BTBD9: variants seen among roughly 807,000 people sequenced by gnomAD.
BTBD9 encodes the protein BTB/POZ domain-containing protein 9.
Under a neutral mutation model 64.3 loss-of-function variants are expected in BTBD9, and 49 were observed. The observed-to-expected ratio is 0.76, with a 90% CI of 0.61 to 0.97. The LOEUF is 0.97. Among genes scored for constraint, BTBD9 ranks in the 50% least tolerant of loss-of-function variants. The pLI is 0.00. For synonymous variants in BTBD9, 260 were observed against 274.7 expected (o/e 0.95, Z 0.53); for missense variants, 598 against 762.1 (o/e 0.78, Z 2.53).
chr6:38,463,438 T>C (rs1399351006), intron 6 of BTBD9, among the ~76,000 whole-genome samples: 1 of 152,254 alleles, frequency 6.6e-6, no homozygotes, highest in Non-Finnish European at 1.5e-5. Context: ...TGAAAGTGGA[T>C]ATCCCCAACA....
Position 38,510,183 on chromosome 6 carries a change from T to C in BTBD9, c.1154+67417A>G, listed in dbSNP as rs75774879. 1.2e-3 allele frequency among the ~76,000 whole-genome samples: 180 copies of C among 152,288 alleles called. 4 individuals are homozygous for C. In the East Asian group the frequency reaches 0.016, roughly 14 times the overall value. On this transcript the variant is annotated intron_variant, in intron 6 of 10. Transcript: ENST00000481247. ...CAATTTCATCATGGCGTGAACATCA[T>C]AGAGTATACTTACACGAACTGGATG...
chr6:38,296,399 C>A (rs1273692589), intron 7 of BTBD9, among the ~76,000 whole-genome samples: 3 of 152,046 alleles, frequency 2.0e-5, no homozygotes, highest in South Asian at 2.1e-4. Flanking sequence ...TCTTAAAGAA[C>A]CAACATTGGG....
In BTBD9 at chr6:38,609,503, T is replaced by G. The variant is rs138820364; in HGVS notation, c.-27-11382A>C. 4.8e-4 allele frequency among the ~76,000 whole-genome samples: 73 copies of G among 152,328 alleles called. 1 individual carries two copies. The East Asian group carries it at 0.014, about 29-fold the overall frequency. On this transcript the variant is annotated intron_variant, in intron 1 of 10. Coordinates refer to ENST00000481247, the MANE Select transcript of BTBD9 (RefSeq NM_001099272.2). ...CCCAAGAATAAGCAAATATGTGGCC[T>G]GCCTTTCACCTTCTTCTATGTGTAC...
At chr6:38,490,108 C>A (rs1771636950) in intron 6 of BTBD9, among the ~76,000 whole-genome samples, 1 of 152,164 alleles carries the variant, frequency 6.6e-6, no homozygotes, top group Non-Finnish European at 1.5e-5. Flanking sequence ...GCACAGCCTG[C>A]AGAGGTTCCA....
Position 38,412,959 on chromosome 6 carries a change from G to A in BTBD9, c.1155-67866C>T, listed in dbSNP as rs971597627. On this transcript the variant is annotated intron_variant, in intron 6 of 10. Coordinates refer to ENST00000481247, the MANE Select transcript of BTBD9 (RefSeq NM_001099272.2). ...CACTGTGTATAGTTGTATATGATGA[G>A]TAGTTGCACATGGACTATATAAAGT... Among the ~76,000 whole-genome samples the A allele has an allele frequency of 2.0e-5, 3 of 152,108 alleles. No individual in the cohort carries two copies. In the East Asian group the frequency reaches 5.8e-4, roughly 29 times the overall value.
Position 38,452,994 on chromosome 6 carries a change from T to C in BTBD9, c.1155-107901A>G, listed in dbSNP as rs116226886. On this transcript the variant is annotated intron_variant, in intron 6 of 10. Transcript: ENST00000481247. ...CTTTCTCTTCCTAACTTGTAAGAAG[T>C]GCAATGCCTGCAAATTCCAATACCA... 3.7e-3 allele frequency among the ~76,000 whole-genome samples: 561 copies of C among 152,258 alleles called. 3 individuals are homozygous for C. Among genetic ancestry groups the C allele is most frequent in the African/African-American group, 0.013 (520 of 41,562 alleles).
intron 7 of BTBD9, among the ~76,000 whole-genome samples, chr6:38,310,115 C>T (rs1009028476): frequency 1.3e-5 from 2 of 152,136 alleles, no homozygotes; most frequent in African/African-American, 4.8e-5. Context: ...GAAAGTAAGA[C>T]TGGAATGTCG....
At chr6:38,192,702 C>G (rs749411761) in intron 9 of BTBD9, 105 bp from the exon 10 acceptor site, 3 of 959,238 alleles carry the variant, frequency 3.1e-6, no homozygotes, top group Non-Finnish European at 5.0e-6. Flanking sequence ...TTCCTGTCCT[C>G]GGAGACCTGC....
chr6:38,473,004 T>C (rs532278944), intron 6 of BTBD9, among the ~76,000 whole-genome samples: 3 of 152,332 alleles, frequency 2.0e-5, no homozygotes, highest in South Asian at 4.1e-4. Flanking sequence ...TGGAAGCTCC[T>C]GAAATTTGTA....
At chr6:38,617,580 T>C (rs1777834863) in intron 1 of BTBD9, among the ~76,000 whole-genome samples, 1 of 152,232 alleles carries the variant, frequency 6.6e-6, no homozygotes, top group Admixed American at 6.5e-5. Context: ...CTATCTGGAA[T>C]TTTAGGATGC....
rs59324806 is a variant in BTBD9, at chr6:38,302,485, GTATATATATATATATATATATATA to G, written c.1265-14048_1265-14025del. The stretch of plus-strand genomic sequence containing the variant: ...CTGAATAATATTCCATTGTGTGTAT[GTATATATATATATATATATATATA>G]TATATATATATATATCACATTCTCT... On this transcript the variant is annotated intron_variant, in intron 7 of 10. Transcript: ENST00000481247. Among the ~76,000 whole-genome samples the G allele has an allele frequency of 2.1e-4, 22 of 106,894 alleles. No individual in the cohort carries two copies. In the East Asian group the frequency reaches 2.2e-3, roughly 11 times the overall value. The allele number at this position is 106,894 out of a possible 152,430, so 70.1% of individuals were successfully genotyped here. A position where few individuals can be genotyped will look rare whatever the true frequency, so the allele number is the denominator to read the frequency against.
intron 1 of BTBD9, among the ~76,000 whole-genome samples, chr6:38,626,132 T>G (rs967453753): frequency 6.6e-6 from 1 of 152,240 alleles, no homozygotes; most frequent in African/African-American, 2.4e-5. Context: ...CTGTTCAACC[T>G]TGTGCTCCAC....
chr6:38,533,734 A>C (rs1471389697), intron 6 of BTBD9, among the ~76,000 whole-genome samples: 1 of 152,306 alleles, frequency 6.6e-6, no homozygotes, highest in South Asian at 2.1e-4. Context: ...TAACAAAAGG[A>C]ATTCTGAAAA....
intron 6 of BTBD9, among the ~76,000 whole-genome samples, chr6:38,411,329 T>C (rs1767416180): frequency 6.6e-6 from 1 of 152,178 alleles, no homozygotes; most frequent in Non-Finnish European, 1.5e-5. Flanking sequence ...TAAAATAATG[T>C]AGTATTGGCA....
intron 6 of BTBD9, among the ~76,000 whole-genome samples, chr6:38,374,981 C>G (rs1310474511): frequency 2.6e-5 from 4 of 152,186 alleles, no homozygotes; most frequent in African/African-American, 7.2e-5. Context: ...GAAAAAGAAG[C>G]TTGCAGTTGT....
At chr6:38,303,338 G>C (rs1324544227) in intron 7 of BTBD9, among the ~76,000 whole-genome samples, 3 of 151,010 alleles carry the variant, frequency 2.0e-5, no homozygotes, top group African/African-American at 7.3e-5. Context: ...CTATTTCTTA[G>C]GCTGCGTGAT....
intron 6 of BTBD9, among the ~76,000 whole-genome samples, chr6:38,404,321 G>A (rs890677248): frequency 2.0e-5 from 3 of 152,140 alleles, no homozygotes; most frequent in Non-Finnish European, 2.9e-5. Flanking sequence ...CAGACTTAGA[G>A]AACAAGTACT....
intron 8 of BTBD9, among the ~76,000 whole-genome samples, chr6:38,257,357 C>T (rs567087606): frequency 9.2e-4 from 140 of 151,742 alleles, no homozygotes; most frequent in African/African-American, 3.0e-3. Context: ...ACCACCATGC[C>T]TGGCTATTTT....
At chr6:38,495,492 CCTT>C (rs1771912704) in intron 6 of BTBD9, among the ~76,000 whole-genome samples, 2 of 152,174 alleles carry the variant, frequency 1.3e-5, no homozygotes, top group South Asian at 4.2e-4. Flanking sequence ...AAAAACCTGT[CCTT>C]CTTTATTATA....
Sources: gnomAD v4.1 joint callset for allele counts (sites outside exome capture counted in the v4.1 genomes callset) on GRCh38, gnomAD v4.1.1 for gene constraint, MANE v1.5 for transcripts, NCBI Gene and HGNC (gene_info 2026-07-23, HGNC 2026-07-21) for gene names.